Variants in PIGL observed in about 807,000 individuals in gnomAD.
PIGL encodes the protein phosphatidylinositol glycan anchor biosynthesis class L.
PIGL carries 22 observed loss-of-function variants against 31.1 expected under a neutral mutation model. The ratio of observed to expected loss-of-function variants is 0.71; its 90% CI spans 0.51 to 1.01. The LOEUF (loss-of-function observed/expected upper bound fraction) is 1.01. Among genes scored for constraint, PIGL ranks in the 50% least tolerant of loss-of-function variants. The pLI is 0.00. For synonymous variants in PIGL, 131 were observed against 117.4 expected (o/e 1.12, Z -0.75); for missense variants, 302 against 315.9 (o/e 0.96, Z 0.33).
intron 3 of PIGL, among the ~76,000 whole-genome samples, chr17:16,310,436 G>A (rs149474838): frequency 7.9e-5 from 12 of 152,156 alleles, no homozygotes; most frequent in African/African-American, 1.4e-4. Context: ...CCTGAAATAC[G>A]ATATTCCCTC....
At chr17:16,267,767 A>G (rs1600802070) in intron 2 of PIGL, among the ~76,000 whole-genome samples, 2 of 152,132 alleles carry the variant, frequency 1.3e-5, no homozygotes, top group African/African-American at 4.8e-5. Context: ...TAACTTGGCA[A>G]TTAGTCTTTC....
At chr17:16,316,645 C>T (rs2093078384) in intron 4 of PIGL, 36 bp from the exon 5 acceptor site, 3 of 1,562,040 alleles carry the variant, frequency 1.9e-6, no homozygotes, top group Non-Finnish European at 2.6e-6. Context: ...GGAAATGATC[C>T]TTACTCCTCT....
At position 16,234,078 on chromosome 17, in the gene PIGL, A is replaced by AACAATTT. The variant is rs1439017473; in HGVS notation, c.335+8_335+9insACAATTT. ...AATGATTATTGACAACAGGTAATATATCTTTTAACAATGTAGAAATTTATT... is the reference window on the plus strand; with the variant it reads ...AATGATTATTGACAACAGGTAATATAACAATTTTCTTTTAACAATGTAGAAATTTATT... On this transcript the variant is annotated intron_variant, in intron 2 of 6. Transcript: ENST00000225609. The AACAATTT allele has an allele frequency of 9.1e-6, 13 of 1,433,982 alleles. No homozygotes were observed. The Admixed American group carries it at 2.2e-4, about 24-fold the overall frequency. 88.8% of individuals were successfully genotyped at this position (1,433,982 alleles called of 1,614,324 possible). A position where few individuals can be genotyped will look rare whatever the true frequency, so the allele number is the denominator to read the frequency against.
At chr17:16,231,391 T>G (rs573714811) in intron 1 of PIGL, among the ~76,000 whole-genome samples, 15 of 151,964 alleles carry the variant, frequency 9.9e-5, no homozygotes, top group African/African-American at 3.1e-4. Flanking sequence ...TGAGCCACCA[T>G]GCCCAGCTAA....
chr17:16,317,059 T>C, intron 5 of PIGL: 1 of 1,094,642 alleles, frequency 9.1e-7, no homozygotes, highest in South Asian at 3.0e-5. Flanking sequence ...TGCTGGGTGC[T>C]TGATGAACCA....
At position 16,219,065 on chromosome 17, in the gene PIGL, A is replaced by ATTT. The variant is rs766541353; in HGVS notation, c.235+1621_235+1623dup. Among the ~76,000 whole-genome samples the ATTT allele has an allele frequency of 1.1e-4, 9 of 81,628 alleles. 1 individual carries two copies. Among genetic ancestry groups the ATTT allele is most frequent in the Admixed American group, 2.5e-4 (2 of 7,930 alleles). 53.6% of individuals were successfully genotyped at this position (81,628 alleles called of 152,430 possible). A position where few individuals can be genotyped will look rare whatever the true frequency, so the allele number is the denominator to read the frequency against. On this transcript the variant is annotated intron_variant, in intron 1 of 6. Transcript: ENST00000225609. ...TAGCATTGACTGACATTTTTTATAA[A>ATTT]TTTTTTTTTTTTTTTTTTTGAGACG...
intron 1 of PIGL, among the ~76,000 whole-genome samples, chr17:16,218,738 G>A (rs902447512): frequency 3.3e-5 from 5 of 149,744 alleles, no homozygotes; most frequent in South Asian, 4.2e-4. Flanking sequence ...GAGTGCCGTG[G>A]CGTGATCTCG....
intron 2 of PIGL, among the ~76,000 whole-genome samples, chr17:16,248,886 TC>T (rs569838999): frequency 2.8e-4 from 43 of 152,316 alleles, no homozygotes; most frequent in Non-Finnish European, 5.6e-4. Flanking sequence ...AAGTCCCAGA[TC>T]AAGGTCTGGC....
At chr17:16,282,732 CAG>C (rs1440432319) in intron 2 of PIGL, among the ~76,000 whole-genome samples, 1 of 152,182 alleles carries the variant, frequency 6.6e-6, no homozygotes, top group Non-Finnish European at 1.5e-5. Flanking sequence ...GTGAAAGAGT[CAG>C]TGCAGAATGC....
chr17:16,300,677 C>T (rs2142836898), intron 3 of PIGL, among the ~76,000 whole-genome samples: 1 of 147,422 alleles, frequency 6.8e-6, no homozygotes, highest in East Asian at 2.0e-4. Flanking sequence ...GAGACTCTGT[C>T]TCAGAAAAAA....
At chr17:16,244,470 T>C (rs1310999270) in intron 2 of PIGL, among the ~76,000 whole-genome samples, 1 of 152,202 alleles carries the variant, frequency 6.6e-6, no homozygotes, top group Admixed American at 6.6e-5. Context: ...GGCACTCCAT[T>C]TGCACAATGT....
At chr17:16,316,304 G>A (rs1456902276) in intron 4 of PIGL, among the ~76,000 whole-genome samples, 1 of 152,172 alleles carries the variant, frequency 6.6e-6, no homozygotes, top group East Asian at 1.9e-4. Flanking sequence ...GGAAATATCA[G>A]GGAAGAGCTA....
chr17:16,313,724 A>C, intron 4 of PIGL, 110 bp downstream of exon 4: 3 of 868,888 alleles, frequency 3.5e-6, no homozygotes, highest in Non-Finnish European at 5.8e-6. Context: ...CATGAAACTC[A>C]CTGCTGGCTT....
intron 2 of PIGL, among the ~76,000 whole-genome samples, chr17:16,253,726 T>C (rs2142732585): frequency 6.6e-6 from 1 of 152,122 alleles, no homozygotes; most frequent in African/African-American, 2.4e-5. Flanking sequence ...GGAGGCTCAA[T>C]AGTTTGAGCC....
chr17:16,286,324 G>A (rs1033245598), intron 2 of PIGL, among the ~76,000 whole-genome samples: 1 of 152,252 alleles, frequency 6.6e-6, no homozygotes, highest in African/African-American at 2.4e-5. Flanking sequence ...AGCAGGGCTG[G>A]GTCTGGGGGA....
At chr17:16,315,916 C>T (rs1040211488) in intron 4 of PIGL, among the ~76,000 whole-genome samples, 67 of 151,434 alleles carry the variant, frequency 4.4e-4, no homozygotes, top group Non-Finnish European at 2.1e-4. Flanking sequence ...CAGGCTGGTG[C>T]CGAACTCCTG....
chr17:16,252,649 C>T (rs2092777611), intron 2 of PIGL, among the ~76,000 whole-genome samples: 1 of 151,712 alleles, frequency 6.6e-6, no homozygotes, highest in Non-Finnish European at 1.5e-5. Context: ...ACTAATAAAA[C>T]TTTCCTCCCT....
At chr17:16,283,443 G>A (rs1421876439) in intron 2 of PIGL, among the ~76,000 whole-genome samples, 3 of 152,138 alleles carry the variant, frequency 2.0e-5, no homozygotes, top group Non-Finnish European at 4.4e-5. Flanking sequence ...ACTCCAGCCT[G>A]GATGACAGAG....
chr17:16,226,091 G>A (rs1472006463), intron 1 of PIGL, among the ~76,000 whole-genome samples: 3 of 151,858 alleles, frequency 2.0e-5, no homozygotes, highest in Non-Finnish European at 4.4e-5. Context: ...GAACACTTGA[G>A]CCCAGGAGTT....
Sources: gnomAD v4.1 joint callset for allele counts (sites outside exome capture counted in the v4.1 genomes callset) on GRCh38, gnomAD v4.1.1 for gene constraint, MANE v1.5 for transcripts, NCBI Gene and HGNC (gene_info 2026-07-23, HGNC 2026-07-21) for gene names.